INVS: variants seen among roughly 807,000 people sequenced by gnomAD.
INVS encodes the protein inversion of embryo turning homolog.
A neutral mutation model predicts 108.8 loss-of-function variants in INVS; 86 were observed. That is an observed-to-expected ratio of 0.79 (90% CI 0.66 to 0.95). The LOEUF is 0.95. INVS is among the 40% of genes least tolerant of loss of function. INVS has a pLI of 0.00. For missense variants in INVS, 1,169 were observed against 1,297.4 expected (o/e 0.90, Z 1.52); for synonymous variants, 455 against 473.5 (o/e 0.96, Z 0.51).
intron 3 of INVS, chr9:100,175,649 A>G: frequency 1.5e-6 from 1 of 654,770 alleles, no homozygotes; most frequent in Admixed American, 2.0e-5. Context: ...CAAAGGCCTG[A>G]GCACCTACCT....
At chr9:100,297,494 C>T (rs2096601925) in intron 15 of INVS, among the ~76,000 whole-genome samples, 2 of 152,116 alleles carry the variant, frequency 1.3e-5, no homozygotes, top group East Asian at 1.9e-4. Context: ...GGAGCATTCA[C>T]GACTTAGCTA....
chr9:100,142,917 T>G (rs1828478636), intron 3 of INVS, among the ~76,000 whole-genome samples: 1 of 152,108 alleles, frequency 6.6e-6, no homozygotes, highest in African/African-American at 2.4e-5. Context: ...TGTTGTTTTG[T>G]AGAAGGGATT....
intron 16 of INVS, 73 bp from the exon 17 acceptor site, chr9:100,300,495 A>G (rs1407417003): frequency 2.2e-5 from 23 of 1,045,814 alleles, no homozygotes; most frequent in Non-Finnish European, 3.3e-5. Flanking sequence ...CTTCTTCCTC[A>G]ACACCAATGA....
At chr9:100,204,320 T>C (rs1830616568) in intron 3 of INVS, among the ~76,000 whole-genome samples, 1 of 152,196 alleles carries the variant, frequency 6.6e-6, no homozygotes, top group Non-Finnish European at 1.5e-5. Context: ...CTATTTAAGC[T>C]GATGATAAAA....
At chr9:100,186,117 GAAATC>G (rs1310961316) in intron 3 of INVS, among the ~76,000 whole-genome samples, 1 of 152,084 alleles carries the variant, frequency 6.6e-6, no homozygotes, top group Non-Finnish European at 1.5e-5. Context: ...AGTTCCTTGA[GAAATC>G]TTCACGTTGT....
chr9:100,291,209 G>A (rs768804021), intron 13 of INVS, among the ~76,000 whole-genome samples: 4 of 151,890 alleles, frequency 2.6e-5, no homozygotes, highest in Non-Finnish European at 4.4e-5. Flanking sequence ...GACTACACGC[G>A]TGCGCCACCA....
intron 11 of INVS, among the ~76,000 whole-genome samples, chr9:100,270,618 T>C (rs1342782803): frequency 6.6e-6 from 1 of 151,810 alleles, no homozygotes; most frequent in African/African-American, 2.4e-5. Flanking sequence ...TGTGATGGCA[T>C]GTGCCTGTAA....
At chr9:100,286,529 A>G (rs1193054522) in intron 13 of INVS, among the ~76,000 whole-genome samples, 1 of 152,174 alleles carries the variant, frequency 6.6e-6, no homozygotes, top group Non-Finnish European at 1.5e-5. Flanking sequence ...TGACAGTGAG[A>G]CTCTGTCTCA....
chr9:100,156,905 C>T (rs1299481788), intron 3 of INVS, among the ~76,000 whole-genome samples: 1 of 149,110 alleles, frequency 6.7e-6, no homozygotes, highest in East Asian at 2.0e-4. Flanking sequence ...TTATAAACCA[C>T]TCAAACTAAT....
At chr9:100,284,098 T>C (rs185213014) in intron 12 of INVS, among the ~76,000 whole-genome samples, 15 of 152,314 alleles carry the variant, frequency 9.8e-5, no homozygotes, top group African/African-American at 3.6e-4. Context: ...GCACAAAGAC[T>C]GATCTATAAA....
intron 2 of INVS, among the ~76,000 whole-genome samples, chr9:100,111,488 G>A (rs566834416): frequency 6.6e-6 from 1 of 152,358 alleles, no homozygotes; most frequent in African/African-American, 2.4e-5. Flanking sequence ...CAGGCAGAAT[G>A]CCAGCCACGT....
intron 3 of INVS, among the ~76,000 whole-genome samples, chr9:100,181,700 T>G (rs1446971002): frequency 2.0e-5 from 3 of 152,102 alleles, no homozygotes; most frequent in African/African-American, 7.2e-5. Context: ...CCAAAGCAAT[T>G]TATAGATTCA....
intron 3 of INVS, among the ~76,000 whole-genome samples, chr9:100,201,530 T>C (rs557598197): frequency 8.5e-5 from 13 of 152,326 alleles, no homozygotes; most frequent in African/African-American, 1.4e-4. Context: ...TTCAGAGATA[T>C]CAGAAATGTG....
At chr9:100,229,534 A>G in intron 4 of INVS, 126 bp from the exon 5 acceptor site, 1 of 786,552 alleles carries the variant, frequency 1.3e-6, no homozygotes, top group Non-Finnish European at 2.2e-6. Flanking sequence ...GAAATCATGA[A>G]AAGTGAAAAC....
At chr9:100,295,811 C>G (rs2787377) in intron 14 of INVS, among the ~76,000 whole-genome samples, 44,579 of 152,212 alleles carry the variant, frequency 0.29, 7,632 homozygotes, top group Non-Finnish European at 0.4. Flanking sequence ...CAGCCACTAC[C>G]TGGGCTTCCC....
intron 10 of INVS, among the ~76,000 whole-genome samples, chr9:100,257,057 G>A (rs1832443044): frequency 1.3e-5 from 2 of 152,102 alleles, no homozygotes; most frequent in South Asian, 4.1e-4. Flanking sequence ...TCTCTTTATA[G>A]GTCTCTAAGA....
chr9:100,234,697 A>G (rs1349358645), intron 5 of INVS, among the ~76,000 whole-genome samples: 1 of 152,130 alleles, frequency 6.6e-6, no homozygotes, highest in Non-Finnish European at 1.5e-5. Context: ...CTTAATCCTG[A>G]GTTCTAATTT....
At chr9:100,127,787 G>A (rs1310011988) in intron 3 of INVS, among the ~76,000 whole-genome samples, 1 of 152,026 alleles carries the variant, frequency 6.6e-6, no homozygotes, top group African/African-American at 2.4e-5. Context: ...TTTTATTATA[G>A]TAATTTTTTT....
rs1833981983 is a variant in INVS, at chr9:100,301,823, T to A, written c.*1149T>A. On this transcript the variant is annotated 3_prime_UTR_variant, in exon 17 of 17. Coordinates refer to ENST00000262457, the MANE Select transcript of INVS (RefSeq NM_014425.5). ...TTTAGTTTACTAATTATTACATTCA[T>A]CGTTTTTGTGATCACAAAAACACAA... 6.6e-6 allele frequency among the ~76,000 whole-genome samples: 1 copy of A among 152,212 alleles called. No homozygotes were observed. Among genetic ancestry groups the A allele is most frequent in the Non-Finnish European group, 1.5e-5 (1 of 68,040 alleles).
Sources: gnomAD v4.1 joint callset for allele counts (sites outside exome capture counted in the v4.1 genomes callset) on GRCh38, gnomAD v4.1.1 for gene constraint, MANE v1.5 for transcripts, NCBI Gene and HGNC (gene_info 2026-07-23, HGNC 2026-07-21) for gene names.